NHSL1: variants seen among roughly 807,000 people sequenced by gnomAD.
The protein encoded by NHSL1 is NHS like 1.
NHSL1 carries 48 observed loss-of-function variants against 95.0 expected under a neutral mutation model. That is an observed-to-expected ratio of 0.51 (90% confidence interval 0.40 to 0.64). The LOEUF is 0.64. Among genes scored for constraint, NHSL1 ranks in the 30% least tolerant of loss-of-function variants. NHSL1 has a pLI of 0.00. For missense variants in NHSL1, 1,971 were observed against 2,077.7 expected, an observed-to-expected ratio of 0.95 and a Z score of 1.00; for synonymous variants, 783 against 833.9, an observed-to-expected ratio of 0.94 and a Z score of 1.05.
chr6:138,447,443 A>G (rs1776936230), intron 3 of NHSL1, among the ~76,000 whole-genome samples: 1 of 152,138 alleles, frequency 6.6e-6, no homozygotes, highest in Admixed American at 6.5e-5. Flanking sequence ...AAATCTTTGA[A>G]GTCCTTTCTG....
intron 5 of NHSL1, among the ~76,000 whole-genome samples, chr6:138,436,149 T>C (rs1200076733): frequency 6.6e-6 from 1 of 152,184 alleles, no homozygotes; most frequent in Non-Finnish European, 1.5e-5. Flanking sequence ...GAGTTGCATG[T>C]CTCTCACTTT....
intron 1 of NHSL1, among the ~76,000 whole-genome samples, chr6:138,632,812 C>CTT (rs1199040133): frequency 6.6e-6 from 1 of 152,176 alleles, no homozygotes; most frequent in African/African-American, 2.4e-5. Context: ...CACAGACAAA[C>CTT]ATCTTTAAAT....
intron 7 of NHSL1, among the ~76,000 whole-genome samples, chr6:138,425,855 C>T (rs769539470): frequency 4.7e-5 from 7 of 149,886 alleles, no homozygotes; most frequent in Admixed American, 1.4e-4. Flanking sequence ...AAAACAAAGG[C>T]GAACCCTCCA....
intron 1 of NHSL1, among the ~76,000 whole-genome samples, chr6:138,634,820 A>C (rs1329890020): frequency 7.6e-6 from 1 of 131,890 alleles, no homozygotes; most frequent in Non-Finnish European, 1.7e-5. Context: ...TAAAACATTC[A>C]AAAAAAAAAA....
chr6:138,670,198 C>A (rs907397926), intron 1 of NHSL1, among the ~76,000 whole-genome samples: 4 of 152,042 alleles, frequency 2.6e-5, no homozygotes, highest in African/African-American at 9.7e-5. Flanking sequence ...AACGCTCCCA[C>A]CCAGCCAACA....
intron 1 of NHSL1, among the ~76,000 whole-genome samples, chr6:138,519,003 G>A (rs898013001): frequency 2.0e-5 from 3 of 152,044 alleles, no homozygotes; most frequent in African/African-American, 7.2e-5. Context: ...GGGTGACAGA[G>A]CAAGACACTG....
At chr6:138,449,538 G>A (rs114785725) in intron 3 of NHSL1, among the ~76,000 whole-genome samples, 1,707 of 152,176 alleles carry the variant, frequency 0.011, 40 homozygotes, top group African/African-American at 0.039. Flanking sequence ...TTAGCTGGGC[G>A]TGGTGGTGTG....
intron 1 of NHSL1, among the ~76,000 whole-genome samples, chr6:138,659,928 C>A (rs1238843492): frequency 2.0e-5 from 3 of 152,148 alleles, no homozygotes; most frequent in African/African-American, 4.8e-5. Flanking sequence ...GTTGGCCAGG[C>A]TGGTCTCAAA....
At chr6:138,657,320 G>C (rs772811564) in intron 1 of NHSL1, among the ~76,000 whole-genome samples, 2 of 152,116 alleles carry the variant, frequency 1.3e-5, no homozygotes, top group Non-Finnish European at 2.9e-5. Context: ...TAGTAAGAAT[G>C]ATCAAACATG....
intron 1 of NHSL1, among the ~76,000 whole-genome samples, chr6:138,641,345 T>A (rs374982306): frequency 1.1e-4 from 16 of 152,226 alleles, no homozygotes; most frequent in African/African-American, 3.9e-4. Flanking sequence ...TACACCCTTA[T>A]AAAATGTTGA....
rs117945570 is a variant in NHSL1, at chr6:138,554,521, G to A, written c.202+17189C>T. On this transcript the variant is annotated intron_variant, in intron 1 of 6. Coordinates refer to the NHSL1 transcript ENST00000427025. Reference sequence around the variant, plus strand: ...TGTTAATAAAACATAACCAGAGAGCGTAACTGGACTATAATTACTTTTAAT... The same window carrying A: ...TGTTAATAAAACATAACCAGAGAGCATAACTGGACTATAATTACTTTTAAT... 6.4e-4 allele frequency among the ~76,000 whole-genome samples: 97 copies of A among 152,276 alleles called. No homozygotes were observed. The East Asian group carries it at 7.1e-3, about 11-fold the overall frequency.
chr6:138,469,289 G>A (rs1778597511), intron 3 of NHSL1, among the ~76,000 whole-genome samples: 2 of 152,224 alleles, frequency 1.3e-5, no homozygotes, highest in Non-Finnish European at 2.9e-5. Flanking sequence ...ACTTCAACCT[G>A]AAGACATTCG....
intron 3 of NHSL1, chr6:138,464,049 C>G: frequency 2.5e-6 from 1 of 398,628 alleles, no homozygotes; most frequent in Non-Finnish European, 4.7e-6. Flanking sequence ...TAAATATTTA[C>G]TCAGTAAATG....
At chr6:138,518,744 G>A (rs1219146192) in intron 1 of NHSL1, among the ~76,000 whole-genome samples, 12 of 152,270 alleles carry the variant, frequency 7.9e-5, no homozygotes, top group South Asian at 4.1e-4. Flanking sequence ...AAGGCCAGGC[G>A]CAGTAGCTCA....
chr6:138,612,175 T>C (rs757482584), intron 1 of NHSL1, among the ~76,000 whole-genome samples: 9 of 151,496 alleles, frequency 5.9e-5, no homozygotes, highest in Non-Finnish European at 1.3e-4. Flanking sequence ...GGAGGGTATA[T>C]TAGTATTGCC....
At position 138,432,665 on chromosome 6, in the gene NHSL1, A is replaced by T; in HGVS notation, c.1680T>A (p.Asn560Lys). 1 of 1,551,576 alleles carries T rather than the reference A, an allele frequency of 6.4e-7. No individual in the cohort carries two copies. Among genetic ancestry groups the T allele is most frequent in the South Asian group, 1.2e-5 (1 of 84,056 alleles). Residue 560 changes from asparagine to lysine, a missense_variant, in exon 6 of 8, where the codon AAT (asparagine) becomes AAA (lysine). By Grantham distance (94) the Asn-to-Lys change is moderately conservative. Transcript: ENST00000343505. This position sits in a 1 kb window ranked among gnomAD's most constrained non-coding sequence, Gnocchi z 4.4. ...SEPWEYKSSG[N>K]GRASPLKPHL... ...GCGGCTTCAGGGGGGATGCCCTTCC[A>T]TTACCTGAGGATTTGTATTCCCAGG... is the stretch of plus-strand genomic sequence containing the variant.
chr6:138,523,627 G>GAAAAA (rs67335375), intron 1 of NHSL1, among the ~76,000 whole-genome samples: 8,395 of 64,268 alleles, frequency 0.13, 1,022 homozygotes, highest in Middle Eastern at 0.28. Context: ...TTTTAAAGAG[G>GAAAAA]AAAAAAAAAA....
chr6:138,639,857 A>C (rs1293953272), intron 1 of NHSL1, among the ~76,000 whole-genome samples: 2 of 146,642 alleles, frequency 1.4e-5, no homozygotes, highest in Non-Finnish European at 3.0e-5. Context: ...TAACCTTCTC[A>C]TTCTTACAAA....
At chr6:138,559,598 C>T (rs1783336042) in intron 1 of NHSL1, among the ~76,000 whole-genome samples, 1 of 152,168 alleles carries the variant, frequency 6.6e-6, no homozygotes, top group Non-Finnish European at 1.5e-5. Flanking sequence ...CTTTCTCCAA[C>T]ACCAAGACAA....
Sources: gnomAD v4.1 joint callset for allele counts (sites outside exome capture counted in the v4.1 genomes callset) on GRCh38, gnomAD v4.1.1 for gene constraint, Gnocchi (gnomAD v3.1) non-coding constraint, MANE v1.5 for transcripts, NCBI Gene and HGNC (gene_info 2026-07-23, HGNC 2026-07-21) for gene names.